MCC: variants seen among roughly 807,000 people sequenced by gnomAD.
The protein encoded by MCC is MCC regulator of Wnt signaling pathway.
MCC carries 90 observed loss-of-function variants against 116.2 expected under a neutral mutation model. That is an observed-to-expected ratio of 0.77 (90% confidence interval 0.65 to 0.92). The LOEUF is 0.92. Among genes scored for constraint, MCC ranks in the 40% least tolerant of loss-of-function variants. The pLI is 0.00. For missense variants in MCC, 1,516 were observed against 1,312.2 expected (o/e 1.16, Z -2.40); for synonymous variants, 578 against 510.5 (o/e 1.13, Z -1.78).
At chr5:113,183,469 T>C (rs1761728966) in intron 3 of MCC, among the ~76,000 whole-genome samples, 1 of 152,298 alleles carries the variant, frequency 6.6e-6, no homozygotes, top group South Asian at 2.1e-4. Flanking sequence ...ATTGGTATTA[T>C]GGCCTCTAAT....
At chr5:113,368,306 CAG>C in intron 2 of MCC, among the ~76,000 whole-genome samples, 1 of 152,260 alleles carries the variant, frequency 6.6e-6, no homozygotes, top group South Asian at 2.1e-4. Context: ...CATAATTGGT[CAG>C]AGTTTATCTT....
At chr5:113,277,936 C>A (rs1765889502) in intron 3 of MCC, among the ~76,000 whole-genome samples, 1 of 152,192 alleles carries the variant, frequency 6.6e-6, no homozygotes, top group African/African-American at 2.4e-5. Context: ...GACCAGCAGG[C>A]ATCTCAAACT....
intron 3 of MCC, among the ~76,000 whole-genome samples, chr5:113,233,350 G>A (rs1410239653): frequency 1.3e-5 from 2 of 152,160 alleles, no homozygotes; most frequent in African/African-American, 4.8e-5. Flanking sequence ...ATAACTAAAT[G>A]TGCATCTCAA....
intron 5 of MCC, among the ~76,000 whole-genome samples, chr5:113,128,501 T>G (rs553427787): frequency 6.6e-6 from 1 of 152,382 alleles, no homozygotes; most frequent in East Asian, 1.9e-4. Context: ...AAATAAGTGA[T>G]GAATAAAGTC....
At chr5:113,223,907 T>C (rs955223005) in intron 3 of MCC, among the ~76,000 whole-genome samples, 6 of 152,042 alleles carry the variant, frequency 3.9e-5, no homozygotes, top group Non-Finnish European at 7.4e-5. Context: ...GTACTGGCAT[T>C]TTCTCCCTGC....
chr5:113,049,024 C>G (rs1196181202), intron 16 of MCC, 69 bp downstream of exon 16: 1 of 1,458,688 alleles, frequency 6.9e-7, no homozygotes, highest in Non-Finnish European at 9.6e-7. Flanking sequence ...GAGGTGTGGC[C>G]AGTGGTCACT....
At chr5:113,079,094 A>G (rs979730106) in intron 11 of MCC, among the ~76,000 whole-genome samples, 2 of 152,234 alleles carry the variant, frequency 1.3e-5, no homozygotes, top group African/African-American at 2.4e-5. Flanking sequence ...TAGGAATCCA[A>G]CTTACAAGGG....
At chr5:113,252,681 C>T (rs565583184) in intron 3 of MCC, among the ~76,000 whole-genome samples, 2 of 152,310 alleles carry the variant, frequency 1.3e-5, no homozygotes, top group Non-Finnish European at 2.9e-5. Flanking sequence ...CACTCCACCA[C>T]CCAGGTCCAT....
At chr5:113,359,571 T>G (rs1209389299) in intron 2 of MCC, among the ~76,000 whole-genome samples, 1 of 152,258 alleles carries the variant, frequency 6.6e-6, no homozygotes, top group Non-Finnish European at 1.5e-5. Context: ...CTTGGGCAGT[T>G]AATAATCTGG....
At chr5:113,092,842 C>G (rs1253636918) in intron 8 of MCC, among the ~76,000 whole-genome samples, 1 of 152,218 alleles carries the variant, frequency 6.6e-6, no homozygotes, top group Non-Finnish European at 1.5e-5. Flanking sequence ...TCAGCAGTTT[C>G]ACTCCTGGAC....
intron 11 of MCC, among the ~76,000 whole-genome samples, chr5:113,080,815 C>CAAAAAAAA (rs1236332931): frequency 1.7e-4 from 19 of 110,674 alleles, no homozygotes; most frequent in Admixed American, 2.7e-4. Flanking sequence ...ACAACAACAA[C>CAAAAAAAA]AAAAAAAAAA....
chr5:113,113,717 G>T (rs1260927297), intron 6 of MCC, among the ~76,000 whole-genome samples: 2 of 151,162 alleles, frequency 1.3e-5, no homozygotes, highest in African/African-American at 4.9e-5. Context: ...TCAGATTGAG[G>T]GACATTCTAT....
chr5:113,380,921 T>C (rs1399299128), intron 2 of MCC, among the ~76,000 whole-genome samples: 1 of 152,032 alleles, frequency 6.6e-6, no homozygotes, highest in African/African-American at 2.4e-5. Flanking sequence ...TCAGAGTGGG[T>C]GGTGTGCACC....
At chr5:113,144,086 T>C (rs1484285266) in intron 4 of MCC, among the ~76,000 whole-genome samples, 1 of 152,158 alleles carries the variant, frequency 6.6e-6, no homozygotes, top group Non-Finnish European at 1.5e-5. Context: ...AGGAGTGTTA[T>C]GGAATGAATG....
chr5:113,301,982 A>G (rs1346618028), intron 3 of MCC, among the ~76,000 whole-genome samples: 1 of 152,242 alleles, frequency 6.6e-6, no homozygotes, highest in Non-Finnish European at 1.5e-5. Context: ...AGGTAAATCT[A>G]TGTCTTCACA....
At chr5:113,381,156 CAG>C (rs908955067) in intron 2 of MCC, among the ~76,000 whole-genome samples, 4 of 152,102 alleles carry the variant, frequency 2.6e-5, no homozygotes, top group African/African-American at 9.7e-5. Context: ...ACGGTGATGG[CAG>C]GAGAGCAAAG....
At position 113,049,276 on chromosome 5, in the gene MCC, G is replaced by A. The variant is rs1752329836; in HGVS notation, c.2472C>T (p.Ala824=). ...TCTCTTTCTCCAGTAGGTAGAGCTG[G>A]GCCTTCAACTCGGCCATCTCCTCCT... The part of the protein sequence containing the change: ...AMKEEMAELK[A]QLYLLEKEKK... The change falls in exon 16 of 19, where the codon GCC becomes GCT. Residue 824 remains alanine (A), a synonymous_variant. Coordinates refer to ENST00000408903, the MANE Select transcript of MCC (RefSeq NM_001085377.2). 6.2e-7 allele frequency: 1 copy of A among 1,606,160 alleles called. No individual in the cohort carries two copies. Among genetic ancestry groups the A allele is most frequent in the Non-Finnish European group, 8.5e-7 (1 of 1,176,004 alleles).
intron 14 of MCC, among the ~76,000 whole-genome samples, chr5:113,061,523 G>C (rs996090782): frequency 3.9e-5 from 6 of 152,180 alleles, no homozygotes; most frequent in African/African-American, 1.4e-4. Context: ...TTTCTGATGA[G>C]GCCATGGCTA....
At chr5:113,441,816 T>C (rs776539401) in intron 1 of MCC, among the ~76,000 whole-genome samples, 1 of 152,230 alleles carries the variant, frequency 6.6e-6, no homozygotes, top group Non-Finnish European at 1.5e-5. Flanking sequence ...TCCATGTCCC[T>C]GCAAAGCACA....
Sources: gnomAD v4.1 joint callset for allele counts (sites outside exome capture counted in the v4.1 genomes callset) on GRCh38, gnomAD v4.1.1 for gene constraint, MANE v1.5 for transcripts, NCBI Gene and HGNC (gene_info 2026-07-23, HGNC 2026-07-21) for gene names.